LHFPL3: variants seen among roughly 807,000 people sequenced by gnomAD.
LHFPL3 encodes LHFPL tetraspan subfamily member 3 protein.
In LHFPL3, 5 loss-of-function variants were observed where a neutral mutation model predicts 19.3. The ratio of observed to expected loss-of-function variants is 0.26; its 90% CI spans 0.14 to 0.54. The LOEUF (loss-of-function observed/expected upper bound fraction) is 0.54, where lower values mean the gene tolerates loss of function less well. Among genes scored for constraint, LHFPL3 ranks in the 20% least tolerant of loss-of-function variants. The pLI is 0.94. For missense variants in LHFPL3, 249 were observed against 307.4 expected (o/e 0.81, Z 1.42); for synonymous variants, 133 against 126.2 (o/e 1.05, Z -0.36).
intron 1 of LHFPL3, among the ~76,000 whole-genome samples, chr7:104,665,823 T>A (rs1562961249): frequency 6.6e-6 from 1 of 152,230 alleles, no homozygotes; most frequent in Non-Finnish European, 1.5e-5. Context: ...TTGACAGGTG[T>A]CTTTACAATC....
intron 2 of LHFPL3, among the ~76,000 whole-genome samples, chr7:104,897,455 T>C (rs1360233344): frequency 6.6e-6 from 1 of 152,218 alleles, no homozygotes; most frequent in African/African-American, 2.4e-5. Flanking sequence ...CCAGGACTAT[T>C]ACATTTGTGG....
At chr7:104,575,513 A>T (rs187457465) in intron 1 of LHFPL3, among the ~76,000 whole-genome samples, 5 of 148,206 alleles carry the variant, frequency 3.4e-5, no homozygotes, top group Non-Finnish European at 7.4e-5. Context: ...CCTATTTTTA[A>T]TATATGAGAA....
chr7:104,504,440 T>A (rs551934247), intron 1 of LHFPL3, among the ~76,000 whole-genome samples: 1 of 152,356 alleles, frequency 6.6e-6, no homozygotes, highest in African/African-American at 2.4e-5. Context: ...TGATCACTTA[T>A]GTGTTTCCCT....
intron 1 of LHFPL3, among the ~76,000 whole-genome samples, chr7:104,632,642 G>A (rs929719396): frequency 2.4e-4 from 37 of 152,174 alleles, no homozygotes; most frequent in African/African-American, 8.7e-4. Context: ...CATGTTAGAT[G>A]TTAAATGACA....
intron 1 of LHFPL3, among the ~76,000 whole-genome samples, chr7:104,390,503 G>A (rs942092536): frequency 2.0e-5 from 3 of 152,124 alleles, no homozygotes; most frequent in Non-Finnish European, 4.4e-5. Flanking sequence ...TCCCTACAAA[G>A]GACATGAATT....
chr7:104,539,306 A>T (rs185979710), intron 1 of LHFPL3, among the ~76,000 whole-genome samples: 1 of 152,194 alleles, frequency 6.6e-6, no homozygotes, highest in Non-Finnish European at 1.5e-5. Flanking sequence ...AATTCAGCAA[A>T]TATTTACTTG....
intron 1 of LHFPL3, among the ~76,000 whole-genome samples, chr7:104,627,147 C>G (rs1482628144): frequency 1.3e-5 from 2 of 152,130 alleles, no homozygotes; most frequent in Non-Finnish European, 2.9e-5. Flanking sequence ...CCCCCGGGCC[C>G]TGGTAACCAC....
intron 1 of LHFPL3, among the ~76,000 whole-genome samples, chr7:104,410,943 G>A (rs1791523658): frequency 6.6e-6 from 1 of 152,266 alleles, no homozygotes; most frequent in Admixed American, 6.5e-5. Flanking sequence ...TTCCTGAATT[G>A]TACAGGAAAA....
intron 1 of LHFPL3, among the ~76,000 whole-genome samples, chr7:104,621,006 T>A (rs988606661): frequency 2.0e-5 from 3 of 152,196 alleles, no homozygotes; most frequent in African/African-American, 7.2e-5. Flanking sequence ...CTCACAGAAG[T>A]TGGCTTTGTT....
intron 1 of LHFPL3, among the ~76,000 whole-genome samples, chr7:104,457,190 A>G (rs1240937429): frequency 6.6e-6 from 1 of 152,036 alleles, no homozygotes. Flanking sequence ...ACATATGTAT[A>G]CATGTGCCAT....
Position 104,814,916 on chromosome 7 carries a change from G to A in LHFPL3, c.682+78005G>A, listed in dbSNP as rs1215402735. On this transcript the variant is annotated intron_variant, in intron 2 of 2. Coordinates refer to ENST00000424859, the MANE Select transcript of LHFPL3 (RefSeq NM_199000.3). ...GAGCAGGCACTTTCAAGCCTGCAAG[G>A]GCAGGGGTGCCTTCCCAGACCCCCA... 2.0e-5 allele frequency among the ~76,000 whole-genome samples: 3 copies of A among 152,198 alleles called. No homozygotes were observed. The South Asian group carries it at 6.2e-4, about 31-fold the overall frequency.
chr7:104,860,477 C>T (rs1452610407), intron 2 of LHFPL3, among the ~76,000 whole-genome samples: 1 of 152,136 alleles, frequency 6.6e-6, no homozygotes, highest in East Asian at 1.9e-4. Context: ...GTGCAAAGAG[C>T]TAAAGACCTC....
intron 1 of LHFPL3, among the ~76,000 whole-genome samples, chr7:104,553,782 T>C (rs1320810026): frequency 6.6e-6 from 1 of 152,200 alleles, no homozygotes; most frequent in Non-Finnish European, 1.5e-5. Flanking sequence ...CCAGCTGTTA[T>C]TGACATTTCA....
intron 1 of LHFPL3, among the ~76,000 whole-genome samples, chr7:104,418,142 C>G (rs1342238060): frequency 6.6e-6 from 1 of 152,134 alleles, no homozygotes; most frequent in Non-Finnish European, 1.5e-5. Context: ...TCCCAAAATA[C>G]TGCGATTACA....
At chr7:104,849,876 T>G (rs1791383647) in intron 2 of LHFPL3, among the ~76,000 whole-genome samples, 1 of 152,250 alleles carries the variant, frequency 6.6e-6, no homozygotes, top group South Asian at 2.1e-4. Context: ...GGCCAGTTTT[T>G]ATACAGATAG....
intron 1 of LHFPL3, among the ~76,000 whole-genome samples, chr7:104,457,172 G>C (rs1792560076): frequency 6.6e-6 from 1 of 151,940 alleles, no homozygotes; most frequent in African/African-American, 2.4e-5. Flanking sequence ...ACAATGTGCA[G>C]GTTAGTTACA....
chr7:104,880,120 T>C (rs1378539061), intron 2 of LHFPL3, among the ~76,000 whole-genome samples: 1 of 151,998 alleles, frequency 6.6e-6, no homozygotes. Context: ...CATGTTGAAA[T>C]GTGATTCCCA....
chr7:104,430,445 T>TAC (rs1562895340), intron 1 of LHFPL3, among the ~76,000 whole-genome samples: 4 of 22,912 alleles, frequency 1.7e-4, no homozygotes, highest in Admixed American at 5.2e-4. Context: ...TATATATATA[T>TAC]ATATATATAT....
intron 2 of LHFPL3, among the ~76,000 whole-genome samples, chr7:104,797,306 T>C (rs1790153016): frequency 1.3e-5 from 2 of 152,204 alleles, no homozygotes; most frequent in South Asian, 2.1e-4. Context: ...CTCCTGGCTC[T>C]TAGTGGCTGG....
Sources: allele counts gnomAD v4.1 joint callset (sites outside exome capture counted in the v4.1 genomes callset), GRCh38; gene constraint gnomAD v4.1.1; transcripts MANE v1.5; gene names NCBI Gene and HGNC (gene_info 2026-07-23, HGNC 2026-07-21).